Variants in SYN3 observed in about 807,000 individuals in gnomAD.
SYN3 encodes synapsin III, also known as synapsin-3.
A neutral mutation model predicts 65.8 loss-of-function variants in SYN3; 35 were observed. The observed-to-expected ratio is 0.53, with a 90% CI of 0.41 to 0.70. The LOEUF (loss-of-function observed/expected upper bound fraction) is 0.70, where lower values mean the gene tolerates loss of function less well. Among genes scored for constraint, SYN3 ranks in the 30% least tolerant of loss-of-function variants. The pLI is 0.00. For synonymous variants in SYN3, 270 were observed against 292.9 expected, an observed-to-expected ratio of 0.92 and a Z score of 0.80; for missense variants, 680 against 749.0, an observed-to-expected ratio of 0.91 and a Z score of 1.08.
At chr22:32,804,299 G>A (rs528240162) in intron 6 of SYN3, among the ~76,000 whole-genome samples, 1 of 152,174 alleles carries the variant, frequency 6.6e-6, no homozygotes, top group Admixed American at 6.5e-5. Context: ...GACCTCCCTC[G>A]CCTTGCACAG....
At chr22:32,759,437 G>C (rs2045388947) in intron 6 of SYN3, among the ~76,000 whole-genome samples, 2 of 152,068 alleles carry the variant, frequency 1.3e-5, no homozygotes, top group South Asian at 4.2e-4. Flanking sequence ...CATCAGGCTG[G>C]GATGAAATTC....
At chr22:32,929,610 C>A (rs190737209) in intron 4 of SYN3, among the ~76,000 whole-genome samples, 1 of 152,242 alleles carries the variant, frequency 6.6e-6, no homozygotes, top group East Asian at 1.9e-4. Flanking sequence ...AAGTTCAATG[C>A]CTGAGGTTTC....
At chr22:32,515,504 C>G (rs927620811) in intron 13 of SYN3, among the ~76,000 whole-genome samples, 7 of 152,170 alleles carry the variant, frequency 4.6e-5, no homozygotes, top group Admixed American at 2.6e-4. Context: ...CAGTCTGACT[C>G]TAGAGTCTGT....
At chr22:32,917,585 T>C (rs560190635) in intron 4 of SYN3, among the ~76,000 whole-genome samples, 1 of 151,874 alleles carries the variant, frequency 6.6e-6, no homozygotes, top group Non-Finnish European at 1.5e-5. Flanking sequence ...GGTGGTGGAG[T>C]GGGACCCAGA....
chr22:32,604,743 C>T (rs190094659), intron 6 of SYN3, among the ~76,000 whole-genome samples: 6 of 152,296 alleles, frequency 3.9e-5, no homozygotes, highest in Admixed American at 6.5e-5. Context: ...CGGTGGCTCA[C>T]GCCTGTAATC....
intron 6 of SYN3, among the ~76,000 whole-genome samples, chr22:32,623,560 C>A (rs975380027): frequency 6.6e-6 from 1 of 152,234 alleles, no homozygotes; most frequent in African/African-American, 2.4e-5. Context: ...TAACCCCAAC[C>A]TGCCTGCCCT....
At chr22:32,887,814 T>G (rs1251790226) in intron 4 of SYN3, among the ~76,000 whole-genome samples, 3 of 152,222 alleles carry the variant, frequency 2.0e-5, no homozygotes, top group African/African-American at 7.2e-5. Flanking sequence ...GCTATGAAGA[T>G]TCTTATAAAA....
At chr22:32,659,067 A>G (rs764853484) in intron 6 of SYN3, among the ~76,000 whole-genome samples, 28 of 152,190 alleles carry the variant, frequency 1.8e-4, no homozygotes, top group Non-Finnish European at 3.2e-4. Context: ...TAAGGTCACA[A>G]TGAGAGCAAG....
intron 6 of SYN3, among the ~76,000 whole-genome samples, chr22:32,743,579 G>A (rs915872824): frequency 1.3e-5 from 2 of 152,166 alleles, no homozygotes; most frequent in Non-Finnish European, 2.9e-5. Flanking sequence ...TTGGGAAGAG[G>A]TAAGTTCTAG....
chr22:32,780,068 C>CAAAAAAAAACAAAA (rs2045998251), intron 6 of SYN3, among the ~76,000 whole-genome samples: 1 of 72,598 alleles, frequency 1.4e-5, no homozygotes, highest in Non-Finnish European at 2.4e-5. Context: ...GATTCTGTCT[C>CAAAAAAAAACAAAA]AAAAAAAAAA....
At chr22:32,901,989 C>A (rs1393883031) in intron 4 of SYN3, among the ~76,000 whole-genome samples, 1 of 152,188 alleles carries the variant, frequency 6.6e-6, no homozygotes, top group Non-Finnish European at 1.5e-5. Context: ...GGAAAGGGCC[C>A]ATTCCAAGGT....
At chr22:32,545,549 GTCTC>G (rs895153167) in intron 7 of SYN3, among the ~76,000 whole-genome samples, 10 of 150,650 alleles carry the variant, frequency 6.6e-5, no homozygotes, top group South Asian at 2.1e-4. Flanking sequence ...TGGAACCCAG[GTCTC>G]TCTCTCTCTC....
At chr22:32,876,197 C>T (rs951337230) in intron 4 of SYN3, among the ~76,000 whole-genome samples, 3 of 152,116 alleles carry the variant, frequency 2.0e-5, no homozygotes, top group Non-Finnish European at 4.4e-5. Context: ...CTCACTGTGT[C>T]CTTACATGGC....
chr22:32,793,053 G>A (rs5994631), intron 6 of SYN3, among the ~76,000 whole-genome samples: 3 of 152,288 alleles, frequency 2.0e-5, no homozygotes, highest in African/African-American at 7.2e-5. Flanking sequence ...GAGGATTAGT[G>A]GGACTACTGC....
intron 4 of SYN3, among the ~76,000 whole-genome samples, chr22:32,897,991 T>TTTTG (rs1005218693): frequency 6.6e-6 from 1 of 152,064 alleles, no homozygotes. Flanking sequence ...AGCTATTGTT[T>TTTTG]TTTGTTTGTT....
chr22:32,801,888 G>A lies in SYN3; in HGVS notation c.711+63027C>T. On this transcript the variant is annotated intron_variant, in intron 6 of 13. Coordinates refer to ENST00000358763, the MANE Select transcript of SYN3 (RefSeq NM_003490.4). The surrounding 1 kb of genome is among the most constrained non-coding windows in gnomAD (Gnocchi z 4.7). ...GGGCAGCGCGCCGGAGGCCAAGGTT[G>A]CCCCGCACGGCCCGGCGGGCGAGCG... is the stretch of plus-strand genomic sequence containing the variant. 7.5e-7 allele frequency: 1 copy of A among 1,337,906 alleles called. No individual in the cohort carries two copies. Among genetic ancestry groups the A allele is most frequent in the Non-Finnish European group, 9.6e-7 (1 of 1,046,458 alleles). 82.9% of individuals were successfully genotyped at this position (1,337,906 alleles called of 1,614,324 possible).
intron 6 of SYN3, among the ~76,000 whole-genome samples, chr22:32,645,766 T>C (rs1200582396): frequency 6.6e-6 from 1 of 152,096 alleles, no homozygotes; most frequent in African/African-American, 2.4e-5. Context: ...AAACAACTCT[T>C]GGCATAGGAG....
At chr22:32,736,842 G>C (rs1004721906) in intron 6 of SYN3, among the ~76,000 whole-genome samples, 21 of 151,998 alleles carry the variant, frequency 1.4e-4, no homozygotes, top group Non-Finnish European at 3.1e-4. Context: ...CTTTAAAACG[G>C]GCCTAAAGAC....
intron 6 of SYN3, among the ~76,000 whole-genome samples, chr22:32,697,591 C>T (rs960217910): frequency 2.6e-5 from 4 of 152,106 alleles, no homozygotes; most frequent in Non-Finnish European, 4.4e-5. Flanking sequence ...GCTAGGTTTA[C>T]AAAAGTACCA....
Sources: gnomAD v4.1 joint callset for allele counts (sites outside exome capture counted in the v4.1 genomes callset) on GRCh38, gnomAD v4.1.1 for gene constraint, Gnocchi (gnomAD v3.1) non-coding constraint, MANE v1.5 for transcripts, NCBI Gene and HGNC (gene_info 2026-07-23, HGNC 2026-07-21) for gene names.